Variants in DDX19B observed in about 807,000 individuals in gnomAD.
DDX19B encodes the protein DEAD-box helicase 19B, also known as ATP-dependent RNA helicase DDX19B.
DDX19B carries 27 observed loss-of-function variants against 58.1 expected under a neutral mutation model. The observed-to-expected ratio is 0.46, with a 90% CI of 0.34 to 0.64. The LOEUF is 0.64. Among genes scored for constraint, DDX19B ranks in the 30% least tolerant of loss-of-function variants. The pLI, the probability that DDX19B is intolerant of heterozygous loss-of-function variation, is 0.01. For missense variants in DDX19B, 399 were observed against 596.5 expected (o/e 0.67, Z 3.45); for synonymous variants, 187 against 214.4 (o/e 0.87, Z 1.12).
In DDX19B at chr16:70,331,725, C is replaced by G. The variant is rs1245987535; in HGVS notation, c.1027C>G (p.Arg343Gly). Residue 343 changes from arginine (R) to glycine (G), a missense_variant, in exon 10 of 12, where the codon CGC becomes GGC. Arg to Gly is a moderately radical substitution (Grantham distance 125). Transcript: ENST00000288071. ...IAQAMIFCHT[R>G]KTASWLAAEL... ...AAAACAATTCTTTTCACTACAGACTCGCAAAACAGCTAGTTGGCTGGCAGC... is the reference window on the plus strand; with the variant it reads ...AAAACAATTCTTTTCACTACAGACTGGCAAAACAGCTAGTTGGCTGGCAGC... 6.2e-7 allele frequency: 1 copy of G among 1,613,520 alleles called. No homozygotes were observed. Among genetic ancestry groups the G allele is most frequent in the Non-Finnish European group, 8.5e-7 (1 of 1,179,898 alleles).
At chr16:70,315,519 A>C (rs527265871) in intron 3 of DDX19B, 1 of 155,812 alleles carries the variant, frequency 6.4e-6, no homozygotes, top group East Asian at 1.9e-4. Flanking sequence ...TTTCAGTTGC[A>C]TCTCTATTGT....
At chr16:70,331,953 C>T in intron 10 of DDX19B, 69 bp downstream of exon 10, 1 of 1,582,784 alleles carries the variant, frequency 6.3e-7, no homozygotes, top group East Asian at 2.2e-5. Context: ...AGCCAGAAAT[C>T]CTTGTACACA....
chr16:70,319,645 C>G (rs1333660805), intron 5 of DDX19B: 2 of 148,950 alleles, frequency 1.3e-5, no homozygotes, highest in Non-Finnish European at 3.0e-5. Context: ...AATCCCAATA[C>G]TTTGAGAGGC....
intron 7 of DDX19B, among the ~76,000 whole-genome samples, chr16:70,327,897 T>C (rs768757386): frequency 6.6e-6 from 1 of 152,168 alleles, no homozygotes; most frequent in Non-Finnish European, 1.5e-5. Flanking sequence ...ATACCTGTAA[T>C]CTCAGCACTT....
chr16:70,329,018 C>T (rs942387105), intron 7 of DDX19B, among the ~76,000 whole-genome samples: 16 of 150,262 alleles, frequency 1.1e-4, no homozygotes, highest in Admixed American at 8.0e-4. Context: ...AGTTCAAGAC[C>T]AGCCTGGCCA....
At chr16:70,329,519 C>T in intron 8 of DDX19B, 50 bp downstream of exon 8, 1 of 1,607,102 alleles carries the variant, frequency 6.2e-7, no homozygotes, top group Non-Finnish European at 8.5e-7. Context: ...TCTGCAGTGT[C>T]TTCTCCCTTC....
intron 4 of DDX19B, among the ~76,000 whole-genome samples, chr16:70,317,029 A>C (rs1962459539): frequency 6.6e-6 from 1 of 151,902 alleles, no homozygotes; most frequent in Admixed American, 6.6e-5. Flanking sequence ...ACATGGTGAA[A>C]CCCCATCTCT....
intron 5 of DDX19B, among the ~76,000 whole-genome samples, chr16:70,323,332 C>G (rs1261643263): frequency 6.6e-6 from 1 of 152,122 alleles, no homozygotes; most frequent in African/African-American, 2.4e-5. Context: ...GTCTCAAACT[C>G]CTAGGCTCAA....
At chr16:70,317,677 G>T in intron 5 of DDX19B, 89 bp downstream of exon 5, 1 of 1,195,006 alleles carries the variant, frequency 8.4e-7, no homozygotes, top group Non-Finnish European at 1.2e-6. Flanking sequence ...GGTGGCTTAT[G>T]CCTATAATCC....
At chr16:70,333,456 A>T (rs1963588733) in intron 11 of DDX19B, 65 bp from the exon 12 acceptor site, 11 of 1,613,224 alleles carry the variant, frequency 6.8e-6, no homozygotes, top group Non-Finnish European at 9.3e-6. Context: ...TGAATGAATG[A>T]TTGCTGTGGC....
upstream of DDX19B, among the ~76,000 whole-genome samples, chr16:70,297,400 A>G (rs1029431537): frequency 6.6e-6 from 1 of 151,710 alleles, no homozygotes; most frequent in African/African-American, 2.4e-5. Flanking sequence ...TTTAGTAGAG[A>G]TAGGGTTTCA....
intron 1 of DDX19B, among the ~76,000 whole-genome samples, chr16:70,307,454 C>CCGGGTTTAAG (rs1222142032): frequency 6.6e-6 from 1 of 151,974 alleles, no homozygotes; most frequent in African/African-American, 2.4e-5. Flanking sequence ...CCTCTGCCTC[C>CCGGGTTTAAG]CGGGTTTAAG....
chr16:70,310,513 C>T (rs1005741413), intron 1 of DDX19B, among the ~76,000 whole-genome samples: 1 of 152,058 alleles, frequency 6.6e-6, no homozygotes, highest in Non-Finnish European at 1.5e-5. Context: ...CTGCACCACT[C>T]CAGCCTGGCC....
chr16:70,292,375 G>GA (rs1567617511), upstream of DDX19B, among the ~76,000 whole-genome samples: 1 of 152,038 alleles, frequency 6.6e-6, no homozygotes, highest in Non-Finnish European at 1.5e-5. Flanking sequence ...TTGAACTCCC[G>GA]ACCTCAGGTG....
intron 1 of DDX19B, among the ~76,000 whole-genome samples, chr16:70,303,129 T>TTTTTTG (rs758478382): frequency 1.3e-5 from 2 of 152,132 alleles, no homozygotes; most frequent in South Asian, 2.1e-4. Context: ...AGAAGTTCTG[T>TTTTTTG]TTTTTGTTTT....
At chr16:70,296,955 G>A (rs182447685), upstream of DDX19B, among the ~76,000 whole-genome samples, 111 of 152,072 alleles carry the variant, frequency 7.3e-4, 1 homozygote, top group South Asian at 0.019. Flanking sequence ...TTGCTCTGTC[G>A]TCCAGGCTGG....
chr16:70,318,721 G>A (rs1157462435), intron 5 of DDX19B, among the ~76,000 whole-genome samples: 1 of 151,366 alleles, frequency 6.6e-6, no homozygotes, highest in African/African-American at 2.4e-5. Context: ...GGTTGAACCT[G>A]GGAGGCAGGG....
At chr16:70,324,238 C>T (rs909281858) in intron 5 of DDX19B, among the ~76,000 whole-genome samples, 1 of 151,868 alleles carries the variant, frequency 6.6e-6, no homozygotes, top group Non-Finnish European at 1.5e-5. Context: ...TGACTCACAC[C>T]TATAATCCCA....
intron 8 of DDX19B, 96 bp from the exon 9 acceptor site, chr16:70,329,735 C>A (rs1963380219): frequency 1.3e-5 from 20 of 1,530,798 alleles, no homozygotes; most frequent in East Asian, 2.3e-5. Context: ...CTCCCATCAG[C>A]CTTCCTGGGC....
Sources: allele counts gnomAD v4.1 joint callset (sites outside exome capture counted in the v4.1 genomes callset), GRCh38; gene constraint gnomAD v4.1.1; transcripts MANE v1.5; gene names NCBI Gene and HGNC (gene_info 2026-07-23, HGNC 2026-07-21).